RNF216: variants seen among roughly 807,000 people sequenced by gnomAD.
The protein encoded by RNF216 is ring finger protein 216.
Under a neutral mutation model 110.8 loss-of-function variants are expected in RNF216, and 72 were observed. The ratio of observed to expected loss-of-function variants is 0.65; its 90% CI spans 0.54 to 0.79. The LOEUF is 0.79. RNF216 is among the 30% of genes least tolerant of loss of function. The pLI is 0.00. For synonymous variants in RNF216, 495 were observed against 407.5 expected (o/e 1.21, Z -2.59); for missense variants, 1,342 against 1,141.2 (o/e 1.18, Z -2.54).
In RNF216 at chr7:5,623,053, G is replaced by C. The variant is rs201457738; in HGVS notation, c.2579C>G (p.Ala860Gly). 3.7e-6 allele frequency: 6 copies of C among 1,613,982 alleles called. No individual in the cohort carries two copies. In the Admixed American group the frequency reaches 5.0e-5, roughly 13 times the overall value. ...GGGAGGCAGGGGGAAGGGTGGGTGCGCGAAGGCATAGGGTGGCATCTGTGG... is the reference window on the plus strand; with the variant it reads ...GGGAGGCAGGGGGAAGGGTGGGTGCCCGAAGGCATAGGGTGGCATCTGTGG... ...PQPQMPPYAF[A>G]HPPFPLPPVR... The change falls in exon 17 of 17, where the codon GCG becomes GGG. Residue 860 changes from alanine to glycine, a missense_variant. Ala to Gly is a moderately conservative substitution (Grantham distance 60). Transcript: ENST00000389902.
intron 13 of RNF216, among the ~76,000 whole-genome samples, chr7:5,674,664 G>A (rs1790152044): frequency 6.6e-6 from 1 of 151,120 alleles, no homozygotes; most frequent in South Asian, 2.1e-4. Flanking sequence ...AGTCAGCTGG[G>A]AATTCCTGGG....
chr7:5,752,192 A>T (rs1004614234), intron 3 of RNF216, among the ~76,000 whole-genome samples: 2 of 152,006 alleles, frequency 1.3e-5, no homozygotes, highest in African/African-American at 4.8e-5. Context: ...TCAAAAAAAT[A>T]AAAAAAATGA....
rs532013672 is a variant in RNF216 at position 5,635,695 on chromosome 7, G to A, written c.2382+5459C>T. ...GGAATACTCCGAGGACAAATGACCC[G>A]GGTGGAAACCCAGGCTACCATTTAC... On this transcript the variant is annotated intron_variant, in intron 15 of 16. Transcript: ENST00000389902. Among the ~76,000 whole-genome samples the A allele has an allele frequency of 9.2e-5, 14 of 152,290 alleles. No homozygotes were observed. In the East Asian group the frequency reaches 1.5e-3, roughly 17 times the overall value.
At chr7:5,674,767 T>A (rs6945345) in intron 13 of RNF216, among the ~76,000 whole-genome samples, 44 of 152,028 alleles carry the variant, frequency 2.9e-4, no homozygotes, top group Middle Eastern at 6.8e-3. Flanking sequence ...AGGCCGAGGT[T>A]GGCAGATCAC....
At chr7:5,684,259 C>A (rs1238589331) in intron 13 of RNF216, among the ~76,000 whole-genome samples, 2 of 151,974 alleles carry the variant, frequency 1.3e-5, no homozygotes, top group African/African-American at 4.8e-5. Flanking sequence ...CCCGCCACCA[C>A]GCCCAGCTAA....
At position 5,721,181 on chromosome 7, in the gene RNF216, T is replaced by C. The variant is rs980554555; in HGVS notation, c.1505-9A>G. The C allele has an allele frequency of 8.1e-6, 13 of 1,613,002 alleles. No homozygotes were observed. The highest frequency in any genetic ancestry group is 6.7e-5 in the African/African-American group (5 of 74,896). ...TTCTATTTTTATGTCACCTAGAAGATATACGACAATGCAAAAGCATGCAGA... is the reference window on the plus strand; with the variant it reads ...TTCTATTTTTATGTCACCTAGAAGACATACGACAATGCAAAAGCATGCAGA... On this transcript the variant is annotated splice_polypyrimidine_tract_variant and intron_variant, in intron 8 of 16. Coordinates refer to ENST00000389902, the MANE Select transcript of RNF216 (RefSeq NM_207111.4).
At chr7:5,734,865 T>TAAATAAATAAATAAATAAATAAATAAAA (rs1487679463) in intron 5 of RNF216, among the ~76,000 whole-genome samples, 1 of 148,418 alleles carries the variant, frequency 6.7e-6, no homozygotes, top group Non-Finnish European at 1.5e-5. Context: ...AATAAATAAA[T>TAAATAAATAAATAAATAAATAAATAAAA]AAAAGGTTTG....
chr7:5,623,923 C>T, intron 16 of RNF216, 133 bp downstream of exon 16: 14 of 706,956 alleles, frequency 2.0e-5, no homozygotes. Context: ...GAAGTCAGGT[C>T]TATAGCCACC....
At chr7:5,738,087 CAAAAA>C (rs200643372) in intron 5 of RNF216, among the ~76,000 whole-genome samples, 2 of 111,004 alleles carry the variant, frequency 1.8e-5, no homozygotes, top group African/African-American at 7.9e-5. Flanking sequence ...AGACTGTCTC[CAAAAA>C]AAAAAAAAAA....
At position 5,721,026 on chromosome 7, in the gene RNF216, T is replaced by C; in HGVS notation, c.1644+7A>G. 6.2e-7 allele frequency: 1 copy of C among 1,614,110 alleles called. No homozygotes were observed. Among genetic ancestry groups the C allele is most frequent in the Non-Finnish European group, 8.5e-7 (1 of 1,179,960 alleles). On this transcript the variant is annotated splice_region_variant and intron_variant, in intron 9 of 16. Transcript: ENST00000389902. ...ACACACCCCAAGACCAGAGCACATC[T>C]TCCTACCTCTGCCATCTCTTTGATT... is the stretch of plus-strand genomic sequence containing the variant.
intron 4 of RNF216, 61 bp from the exon 5 acceptor site, chr7:5,739,413 A>G (rs1356713381): frequency 2.0e-6 from 3 of 1,512,966 alleles, no homozygotes; most frequent in Admixed American, 1.8e-5. Context: ...AAATGGCAAT[A>G]CAAGACAGAT....
chr7:5,715,220 T>C (rs1792970361), intron 10 of RNF216, 30 bp from the exon 11 acceptor site: 1 of 1,600,968 alleles, frequency 6.2e-7, no homozygotes, highest in African/African-American at 1.3e-5. Context: ...ACACATGAAA[T>C]GTCCTGCACT....
intron 15 of RNF216, among the ~76,000 whole-genome samples, chr7:5,625,586 A>C (rs1359320664): frequency 3.3e-5 from 5 of 152,256 alleles, no homozygotes; most frequent in Non-Finnish European, 7.3e-5. Flanking sequence ...GTCACAGCCA[A>C]GACAGAAATG....
intron 7 of RNF216, among the ~76,000 whole-genome samples, chr7:5,727,600 C>T (rs371499485): frequency 1.7e-4 from 26 of 152,212 alleles, no homozygotes; most frequent in African/African-American, 6.0e-4. Context: ...GGTGTGGTGG[C>T]GTGCACCTGT....
At chr7:5,768,661 C>CT (rs1204108647) in intron 1 of RNF216, among the ~76,000 whole-genome samples, 5 of 131,278 alleles carry the variant, frequency 3.8e-5, no homozygotes, top group South Asian at 4.9e-4. Context: ...AATGAAGCAA[C>CT]TTTGTTTTTT....
At chr7:5,657,717 A>G (rs1788836616) in intron 13 of RNF216, among the ~76,000 whole-genome samples, 1 of 152,168 alleles carries the variant, frequency 6.6e-6, no homozygotes, top group Non-Finnish European at 1.5e-5. Context: ...TAGTTGTCAA[A>G]GATGCTGGTC....
chr7:5,687,375 C>T (rs1189537811), intron 13 of RNF216, among the ~76,000 whole-genome samples: 1 of 56,330 alleles, frequency 1.8e-5, no homozygotes, highest in African/African-American at 6.8e-5. Context: ...TCCTGGGCAA[C>T]AAGAGTGAAA....
At chr7:5,721,218 T>G (rs746356228) in intron 8 of RNF216, 46 bp from the exon 9 acceptor site, 6 of 1,588,564 alleles carry the variant, frequency 3.8e-6, no homozygotes, top group Non-Finnish European at 5.2e-6. Flanking sequence ...AACTATGTGT[T>G]AGGAACCTGG....
chr7:5,679,244 G>A lies in RNF216; in HGVS notation c.2062-26734C>T, dbSNP rs549667219. 2.0e-5 allele frequency among the ~76,000 whole-genome samples: 3 copies of A among 152,290 alleles called. No homozygotes were observed. The South Asian group carries it at 6.2e-4, about 32-fold the overall frequency. ...CGGTGCACACAGCTAACAAGTGGTG[G>A]GACAGGCATCTGAACATGGCCATGC... On this transcript the variant is annotated intron_variant, in intron 13 of 16. Transcript: ENST00000389902.
Sources: allele counts gnomAD v4.1 joint callset (sites outside exome capture counted in the v4.1 genomes callset), GRCh38; gene constraint gnomAD v4.1.1; transcripts MANE v1.5; gene names NCBI Gene and HGNC (gene_info 2026-07-23, HGNC 2026-07-21).